ATP6V1C2: variants seen among roughly 807,000 people sequenced by gnomAD.
The protein encoded by ATP6V1C2 is V-type proton ATPase subunit C 2.
Under a neutral mutation model 56.8 loss-of-function variants are expected in ATP6V1C2, and 45 were observed. The ratio of observed to expected loss-of-function variants is 0.79; its 90% CI spans 0.62 to 1.02. The LOEUF (loss-of-function observed/expected upper bound fraction) is 1.02, where lower values mean the gene tolerates loss of function less well. Among genes scored for constraint, ATP6V1C2 ranks in the 50% least tolerant of loss-of-function variants. The pLI is 0.00. For synonymous variants in ATP6V1C2, 220 were observed against 201.3 expected, an observed-to-expected ratio of 1.09 and a Z score of -0.79; for missense variants, 463 against 519.7, an observed-to-expected ratio of 0.89 and a Z score of 1.06.
intron 2 of ATP6V1C2, 42 bp downstream of exon 2, chr2:10,723,020 A>C (rs780300669): frequency 6.2e-7 from 1 of 1,609,088 alleles, no homozygotes; most frequent in Non-Finnish European, 8.5e-7. Flanking sequence ...TGGATTGGTC[A>C]GGGGGAGACA....
At chr2:10,723,370 G>C (rs1180404095) in intron 2 of ATP6V1C2, among the ~76,000 whole-genome samples, 1 of 152,122 alleles carries the variant, frequency 6.6e-6, no homozygotes, top group East Asian at 1.9e-4. Flanking sequence ...TGCAGGCTTG[G>C]GGGGCTTCAG....
chr2:10,771,860 A>T lies in ATP6V1C2; in HGVS notation c.492A>T (p.Thr164=), dbSNP rs867169465. The part of the protein sequence containing the change: ...KKSMGNLFTR[T]LSDIVSKEDF... ...TTAGGGGGAACCTCTTCACCCGGAC[A>T]CTGAGTGATATTGTGAGCAAAGAGG... The change falls in exon 7 of 14, where the codon ACA becomes ACT. Residue 164 remains threonine, a synonymous_variant. Coordinates refer to ENST00000272238, the MANE Select transcript of ATP6V1C2 (RefSeq NM_001039362.2). 3 of 1,614,068 alleles carry T rather than the reference A, an allele frequency of 1.9e-6. No individual in the cohort carries two copies. The Middle Eastern group carries it at 4.9e-4, about 266-fold the overall frequency.
chr2:10,722,781 CCTT>C (rs2148398767), intron 1 of ATP6V1C2, 40 bp from the exon 2 acceptor site: 7 of 1,585,298 alleles, frequency 4.4e-6, no homozygotes, highest in Admixed American at 3.4e-5. Flanking sequence ...ACACATCTCT[CCTT>C]CTGTTTCTGT....
chr2:10,777,541 T>C, intron 10 of ATP6V1C2, 44 bp from the exon 11 acceptor site: 1 of 1,595,644 alleles, frequency 6.3e-7, no homozygotes, highest in Non-Finnish European at 8.5e-7. Flanking sequence ...TTGTTTGTGA[T>C]GCATGTTTGC....
chr2:10,747,883 T>C (rs1184772720), intron 3 of ATP6V1C2, among the ~76,000 whole-genome samples: 1 of 152,028 alleles, frequency 6.6e-6, no homozygotes, highest in Non-Finnish European at 1.5e-5. Flanking sequence ...TTTTTTGAGA[T>C]GGTGTCTCGC....
In ATP6V1C2 at chr2:10,768,815, G is replaced by A; in HGVS notation, c.470+5G>A. The stretch of plus-strand genomic sequence containing the variant: ...GAACCTGGAAAAGAAATCCATGTGT[G>A]TATTTGCCAGCCTCCACATCTGGCG... On this transcript the variant is annotated splice_donor_5th_base_variant and intron_variant, in intron 6 of 13. Transcript: ENST00000272238. 2 of 1,613,190 alleles carry A rather than the reference G, an allele frequency of 1.2e-6. No individual in the cohort carries two copies. The highest frequency in any genetic ancestry group is 1.1e-5 in the South Asian group (1 of 91,070).
intron 3 of ATP6V1C2, among the ~76,000 whole-genome samples, chr2:10,736,651 T>C (rs1662260898): frequency 6.6e-6 from 1 of 152,130 alleles, no homozygotes; most frequent in Non-Finnish European, 1.5e-5. Flanking sequence ...ATTTTCTTGC[T>C]CTTTTCTGTA....
At chr2:10,748,463 A>C (rs1463857114) in intron 3 of ATP6V1C2, among the ~76,000 whole-genome samples, 1 of 152,156 alleles carries the variant, frequency 6.6e-6, no homozygotes, top group African/African-American at 2.4e-5. Context: ...TAAAAGATAC[A>C]GTGAAATGTA....
chr2:10,730,698 G>A (rs1371145188), intron 3 of ATP6V1C2, among the ~76,000 whole-genome samples: 1 of 142,930 alleles, frequency 7.0e-6, no homozygotes, highest in Admixed American at 7.4e-5. Context: ...TGTTGCCCAG[G>A]CTGGAGTGCA....
intron 8 of ATP6V1C2, among the ~76,000 whole-genome samples, chr2:10,772,873 C>T (rs1290734584): frequency 1.3e-5 from 2 of 152,222 alleles, no homozygotes; most frequent in African/African-American, 2.4e-5. Flanking sequence ...AGCCTCTCCA[C>T]GCCGTTGCCT....
chr2:10,744,023 TA>T (rs1375646039), intron 3 of ATP6V1C2, among the ~76,000 whole-genome samples: 3 of 150,270 alleles, frequency 2.0e-5, no homozygotes, highest in Non-Finnish European at 1.5e-5. Context: ...AATAAATAAA[TA>T]AATAAAATTT....
chr2:10,766,972 CTG>C (rs1028901830), intron 5 of ATP6V1C2, among the ~76,000 whole-genome samples: 18 of 152,020 alleles, frequency 1.2e-4, no homozygotes, highest in African/African-American at 4.1e-4. Flanking sequence ...CTTAGGATCT[CTG>C]TGTACTATTT....
At position 10,784,424 on chromosome 2, in the gene ATP6V1C2, C is replaced by A; in HGVS notation, c.*1161C>A. ...GGAAGAGCGACTCTCTGGAGCTACT[C>A]CTGCTACAATCCAGGTTCTCCTCAG... On this transcript the variant is annotated 3_prime_UTR_variant, in exon 14 of 14. Coordinates refer to ENST00000272238, the MANE Select transcript of ATP6V1C2 (RefSeq NM_001039362.2). 1 of 883,210 alleles carries A rather than the reference C, an allele frequency of 1.1e-6. No individual in the cohort carries two copies. The highest frequency in any genetic ancestry group is 1.7e-6 in the Non-Finnish European group (1 of 571,544). 54.7% of individuals were successfully genotyped at this position (883,210 alleles called of 1,614,324 possible). A position where few individuals can be genotyped will look rare whatever the true frequency, so the allele number is the denominator to read the frequency against.
At chr2:10,741,150 A>G (rs1662530771) in intron 3 of ATP6V1C2, among the ~76,000 whole-genome samples, 2 of 152,212 alleles carry the variant, frequency 1.3e-5, no homozygotes, top group African/African-American at 4.8e-5. Context: ...CTAAAGAGCT[A>G]AAGATCAGCT....
At chr2:10,764,136 GACAGCTCCCACTGGCTC>G (rs1664085430) in intron 4 of ATP6V1C2, among the ~76,000 whole-genome samples, 178 bp from the exon 5 acceptor site, 4 of 152,176 alleles carry the variant, frequency 2.6e-5, no homozygotes, top group Non-Finnish European at 4.4e-5. Context: ...TGCTTGGGCT[GACAGCTCCCACTGGCTC>G]ACAGCTCCCC....
chr2:10,771,995 C>T, intron 7 of ATP6V1C2, 58 bp downstream of exon 7: 1 of 1,478,490 alleles, frequency 6.8e-7, no homozygotes, highest in Non-Finnish European at 9.4e-7. Context: ...GGAAGGTGGA[C>T]CCGTTGGTGA....
rs546504941 is a variant in ATP6V1C2, at chr2:10,758,422, G to C, written c.283+4356G>C. 1.4e-3 allele frequency among the ~76,000 whole-genome samples: 208 copies of C among 152,214 alleles called. 1 individual carries two copies. The highest frequency in any genetic ancestry group is 5.0e-3 in the African/African-American group (206 of 41,528). ...GACCTCTGTGCCTCCCGTGAGTCGG[G>C]TCTCAACTTCCCAAGACTAGAGCTG... On this transcript the variant is annotated intron_variant, in intron 4 of 13. Transcript: ENST00000272238.
intron 4 of ATP6V1C2, chr2:10,757,602 C>T: frequency 5.0e-6 from 2 of 396,350 alleles, no homozygotes; most frequent in Non-Finnish European, 8.9e-6. Context: ...GTCACAATAT[C>T]CATATGACAC....
intron 13 of ATP6V1C2, among the ~76,000 whole-genome samples, 194 bp from the exon 14 acceptor site, chr2:10,782,980 A>G (rs72777396): frequency 0.017 from 2,571 of 152,216 alleles, 31 homozygotes; most frequent in Non-Finnish European, 0.027. Flanking sequence ...ACAAAGCAAA[A>G]CTATCTGTCA....
Sources: gnomAD v4.1 joint callset for allele counts (sites outside exome capture counted in the v4.1 genomes callset) on GRCh38, gnomAD v4.1.1 for gene constraint, MANE v1.5 for transcripts, NCBI Gene and HGNC (gene_info 2026-07-23, HGNC 2026-07-21) for gene names.